Variants in MX1 observed in about 807,000 individuals in gnomAD.
The protein encoded by MX1 is interferon-induced GTP-binding protein Mx1.
In MX1, 66 loss-of-function variants were observed where a neutral mutation model predicts 66.4. The observed-to-expected ratio is 0.99, with a 90% CI of 0.82 to 1.22. The LOEUF is 1.22. MX1 is among the 50% of genes most tolerant of loss of function. The probability of loss-of-function intolerance (pLI) is 0.00; values close to 1 mark genes in which losing one functional copy is unlikely to be tolerated. For missense variants in MX1, 787 were observed against 834.3 expected (o/e 0.94, Z 0.70); for synonymous variants, 311 against 318.1 (o/e 0.98, Z 0.24).
intron 13 of MX1, among the ~76,000 whole-genome samples, chr21:41,447,581 G>A (rs945441441): frequency 3.3e-5 from 5 of 152,134 alleles, no homozygotes; most frequent in African/African-American, 1.2e-4. Context: ...GGCAAACCCA[G>A]GCAGGCAGAA....
rs372033280 is a variant in MX1 at position 41,432,171 on chromosome 21, G to C, written c.101G>C (p.Gly34Ala). The C allele has an allele frequency of 6.2e-7, 1 of 1,613,774 alleles. No individual in the cohort carries two copies. Among genetic ancestry groups the C allele is most frequent in the Non-Finnish European group, 8.5e-7 (1 of 1,180,004 alleles). The stretch of plus-strand genomic sequence containing the variant: ...GCTACTGTGGCCCAGAAAAATCCAG[G>C]CTCGGTAAGTTGCTCTCTGAAAGTC... ...GDATVAQKNP[G>A]SVAENNLCSQ... The change falls in exon 5 of 17, where the codon GGC (glycine) becomes GCC (alanine). Residue 34 changes from glycine to alanine, a missense_variant. Physicochemically the swap from Gly to Ala is moderately conservative, Grantham distance 60. Coordinates refer to ENST00000398598, the MANE Select transcript of MX1 (RefSeq NM_002462.5).
rs925584261 is a variant in MX1 at position 41,441,376 on chromosome 21, A to G, written c.731-340A>G. 4.1e-5 allele frequency: 18 copies of G among 436,196 alleles called. No individual in the cohort carries two copies. The highest frequency in any genetic ancestry group is 6.1e-4 in the Middle Eastern group (1 of 1,630). 27.0% of individuals were successfully genotyped at this position (436,196 alleles called of 1,614,324 possible). On this transcript the variant is annotated intron_variant, in intron 9 of 16. Coordinates refer to ENST00000398598, the MANE Select transcript of MX1 (RefSeq NM_002462.5). The surrounding 1 kb of genome is among the most constrained non-coding windows in gnomAD (Gnocchi z 4.0). The stretch of plus-strand genomic sequence containing the variant: ...GCACAGTGGGCTCGGAAGCAGGTCA[A>G]ACTCAGGAGGCACATGGTACTCATT...
chr21:41,437,156 A>G lies in MX1; in HGVS notation c.436+4A>G. 1 of 1,613,954 alleles carries G rather than the reference A, an allele frequency of 6.2e-7. No individual in the cohort carries two copies. Among genetic ancestry groups the G allele is most frequent in the Non-Finnish European group, 8.5e-7 (1 of 1,179,888 alleles). On this transcript the variant is annotated splice_donor_region_variant and intron_variant, in intron 7 of 16. Coordinates refer to ENST00000398598, the MANE Select transcript of MX1 (RefSeq NM_002462.5). Reference sequence around the variant, plus strand: ...GTAGAAAAGGAAATTAATAAAGGTGAGTACCCCCTGTTTGGATGCCTGGTC... The same window carrying G: ...GTAGAAAAGGAAATTAATAAAGGTGGGTACCCCCTGTTTGGATGCCTGGTC...
At chr21:41,458,468 T>C in intron 16 of MX1, 60 bp from the exon 17 acceptor site, 1 of 1,181,892 alleles carries the variant, frequency 8.5e-7, no homozygotes. Context: ...CATGGTGAGG[T>C]CAGAGTCCCC....
At chr21:41,454,835 C>T (rs920037853) in intron 16 of MX1, among the ~76,000 whole-genome samples, 2 of 152,068 alleles carry the variant, frequency 1.3e-5, no homozygotes, top group Non-Finnish European at 2.9e-5. Context: ...CCACCCAGCA[C>T]AGAGGCCTCC....
chr21:41,446,260 A>G, intron 13 of MX1, 119 bp downstream of exon 13: 1 of 981,532 alleles, frequency 1.0e-6, no homozygotes, highest in Non-Finnish European at 1.5e-6. Flanking sequence ...ATTCTTAAGG[A>G]ATCAGGAAAT....
Position 41,435,854 on chromosome 21 carries a change from G to C in MX1, c.123G>C (p.Leu41=). The C allele has an allele frequency of 6.2e-7, 1 of 1,610,934 alleles. No homozygotes were observed. Among genetic ancestry groups the C allele is most frequent in the Non-Finnish European group, 8.5e-7 (1 of 1,177,332 alleles). Residue 41 remains leucine, a synonymous_variant, in exon 6 of 17, where the codon CTG becomes CTC. Transcript: ENST00000398598. The part of the protein sequence containing the change: ...KNPGSVAENN[L]CSQYEEKVRP... The stretch of plus-strand genomic sequence containing the variant: ...TCCTCCAGGTGGCTGAGAACAACCT[G>C]TGCAGCCAGTATGAGGAGAAGGTGC...
Position 41,449,282 on chromosome 21 carries a change from A to C in MX1, c.1419A>C (p.Leu473=). The part of the protein sequence containing the change: ...KALEEPAVDM[L]HTVTDMVRLA... ...TGGAAGAGCCGGCTGTGGATATGCT[A>C]CACACCGTGACGGGTGAGTGCTCAG... Residue 473 remains leucine, a synonymous_variant, in exon 14 of 17, where the codon CTA becomes CTC. Coordinates refer to ENST00000398598, the MANE Select transcript of MX1 (RefSeq NM_002462.5). 6.2e-7 allele frequency: 1 copy of C among 1,611,860 alleles called. No homozygotes were observed. The highest frequency in any genetic ancestry group is 8.5e-7 in the Non-Finnish European group (1 of 1,179,368).
At chr21:41,448,881 G>A (rs2090739628) in intron 13 of MX1, among the ~76,000 whole-genome samples, 1 of 151,644 alleles carries the variant, frequency 6.6e-6, no homozygotes, top group South Asian at 2.1e-4. Context: ...ACCTGGCTCT[G>A]CACTCCCCTT....
upstream of MX1, among the ~76,000 whole-genome samples, chr21:41,424,516 G>A (rs1469488966): frequency 6.6e-6 from 1 of 152,190 alleles, no homozygotes; most frequent in Non-Finnish European, 1.5e-5. Context: ...CTTGAGGTTG[G>A]TTGGGGGTGA....
intron 4 of MX1, among the ~76,000 whole-genome samples, chr21:41,431,071 G>C (rs971719475): frequency 6.6e-6 from 1 of 152,216 alleles, no homozygotes; most frequent in Non-Finnish European, 1.5e-5. Flanking sequence ...CGCCCAGGCT[G>C]GAGTGCAGTG....
Position 41,446,027 on chromosome 21 carries a change from A to C in MX1, c.1159A>C (p.Thr387Pro). The C allele has an allele frequency of 6.2e-7, 1 of 1,614,008 alleles. No individual in the cohort carries two copies. Residue 387 changes from threonine (T) to proline (P), a missense_variant, in exon 13 of 17, where the codon ACT (threonine) becomes CCT (proline). Physicochemically the swap from Thr to Pro is conservative, Grantham distance 38 (BLOSUM62 -1). Transcript: ENST00000398598. ...AGTTAATGCCTTTAATCAGGACATCACTGCTCTCATGCAAGGAGAGGAAAC... is the reference window on the plus strand; with the variant it reads ...AGTTAATGCCTTTAATCAGGACATCCCTGCTCTCATGCAAGGAGAGGAAAC... ...DKVNAFNQDI[T>P]ALMQGEETVG... is the part of the protein sequence containing the mutation.
chr21:41,451,230 A>G lies in MX1; in HGVS notation c.1496A>G (p.His499Arg), dbSNP rs2090815204. ...AATTTTGAAGAGTTTTTTAACCTCC[A>G]CAGAACCGCCAAGGTAAAACCAACC... The part of the protein sequence containing the change: ...IKNFEEFFNL[H>R]RTAKSKIEDI... Residue 499 changes from histidine to arginine, a missense_variant, in exon 15 of 17, where the codon CAC (histidine) becomes CGC (arginine). His to Arg is a conservative substitution (Grantham distance 29, BLOSUM62 0). Transcript: ENST00000398598. The G allele has an allele frequency of 6.2e-7, 1 of 1,610,260 alleles. No homozygotes were observed. The highest frequency in any genetic ancestry group is 8.5e-7 in the Non-Finnish European group (1 of 1,176,872).
At chr21:41,448,930 TTGTGTGTGTGTGTGTGTGTGTGTGTG>T (rs10528033) in intron 13 of MX1, among the ~76,000 whole-genome samples, 181 bp from the exon 14 acceptor site, 41 of 139,510 alleles carry the variant, frequency 2.9e-4, no homozygotes, top group Non-Finnish European at 4.2e-4. Flanking sequence ...AGATCTGGTT[TTGTGTGTGTGTGTGTGTGTGTGTGTG>T]TGTGTGTGTG....
Position 41,441,649 on chromosome 21 carries a change from G to A in MX1, c.731-67G>A, listed in dbSNP as rs2090516043. 15 of 1,532,864 alleles carry A rather than the reference G, an allele frequency of 9.8e-6. No individual in the cohort carries two copies. The South Asian group carries it at 1.3e-4, about 14-fold the overall frequency. 95.0% of individuals were successfully genotyped at this position (1,532,864 alleles called of 1,614,324 possible). On this transcript the variant is annotated intron_variant, in intron 9 of 16. Coordinates refer to ENST00000398598, the MANE Select transcript of MX1 (RefSeq NM_002462.5). This position sits in a 1 kb window ranked among gnomAD's most constrained non-coding sequence, Gnocchi z 4.0. ...AAACCCTGGGAGGCCGGGGGCGTGA[G>A]CAGTTGTTCGTTCACCTCTGCCTCG...
intron 4 of MX1, among the ~76,000 whole-genome samples, chr21:41,431,045 C>T (rs540556416): frequency 8.5e-5 from 13 of 152,254 alleles, no homozygotes; most frequent in East Asian, 1.9e-4. Flanking sequence ...GTTTTTAAGA[C>T]GGGGTCTCGC....
At position 41,458,974 on chromosome 21, in the gene MX1, A is replaced by T; in HGVS notation, c.*216A>T. 1.3e-6 allele frequency: 1 copy of T among 791,240 alleles called. No individual in the cohort carries two copies. The highest frequency in any genetic ancestry group is 1.9e-6 in the Non-Finnish European group (1 of 519,270). 49.0% of individuals were successfully genotyped at this position (791,240 alleles called of 1,614,324 possible). On this transcript the variant is annotated 3_prime_UTR_variant, in exon 17 of 17. Coordinates refer to ENST00000398598, the MANE Select transcript of MX1 (RefSeq NM_002462.5). ...CCTCAGATGCACATGAGCTGGCGGG[A>T]TTGAAGGATGCTGTCTTCGTACTGG...
upstream of MX1, among the ~76,000 whole-genome samples, chr21:41,423,734 A>G (rs1351454484): frequency 6.6e-6 from 1 of 152,088 alleles, no homozygotes; most frequent in African/African-American, 2.4e-5. Context: ...ACACCCCAAA[A>G]CAACCACCTA....
intron 15 of MX1, among the ~76,000 whole-genome samples, chr21:41,451,860 A>G (rs1313377333): frequency 1.1e-4 from 17 of 151,214 alleles, no homozygotes; most frequent in African/African-American, 3.9e-4. Flanking sequence ...AACAAACAAA[A>G]AAACTTTCCA....
Sources: gnomAD v4.1 joint callset for allele counts (sites outside exome capture counted in the v4.1 genomes callset) on GRCh38, gnomAD v4.1.1 for gene constraint, Gnocchi (gnomAD v3.1) non-coding constraint, MANE v1.5 for transcripts, NCBI Gene and HGNC (gene_info 2026-07-23, HGNC 2026-07-21) for gene names.